The following CAMTA1 variants were observed in gnomAD, a reference collection of about 807,000 sequenced individuals.
CAMTA1 encodes the protein calmodulin binding transcription activator 1.
A neutral mutation model predicts 170.9 loss-of-function variants in CAMTA1; 27 were observed. The observed-to-expected ratio is 0.16, with a 90% CI of 0.12 to 0.22. The LOEUF (loss-of-function observed/expected upper bound fraction) is 0.22, where lower values mean the gene tolerates loss of function less well. Among genes scored for constraint, CAMTA1 ranks in the 10% least tolerant of loss-of-function variants. The pLI is 1.00. For synonymous variants in CAMTA1, 833 were observed against 891.5 expected (o/e 0.93, Z 1.17); for missense variants, 1,619 against 2,217.2 (o/e 0.73, Z 5.42).
intron 5 of CAMTA1, among the ~76,000 whole-genome samples, chr1:7,464,244 G>A (rs553820863): frequency 2.6e-5 from 4 of 151,954 alleles, no homozygotes; most frequent in East Asian, 1.9e-4. Context: ...ACTCCCACAC[G>A]CGTGTGCACC....
At chr1:7,473,217 G>A (rs1469605683) in intron 6 of CAMTA1, among the ~76,000 whole-genome samples, 2 of 152,300 alleles carry the variant, frequency 1.3e-5, no homozygotes, top group Middle Eastern at 6.8e-3. Flanking sequence ...TAGGGGAGAT[G>A]CCCCGGTTCC....
chr1:7,379,413 A>G (rs963586578), intron 5 of CAMTA1, among the ~76,000 whole-genome samples: 2 of 152,188 alleles, frequency 1.3e-5, no homozygotes, highest in African/African-American at 4.8e-5. Context: ...TTTTATTACA[A>G]TTTGAATCCA....
chr1:7,418,831 G>A (rs2091370840), intron 5 of CAMTA1, among the ~76,000 whole-genome samples: 1 of 152,082 alleles, frequency 6.6e-6, no homozygotes, highest in Non-Finnish European at 1.5e-5. Context: ...ACCCCACTCA[G>A]TGCAGCCTGT....
At chr1:7,425,819 T>A (rs2091848596) in intron 5 of CAMTA1, among the ~76,000 whole-genome samples, 1 of 152,140 alleles carries the variant, frequency 6.6e-6, no homozygotes, top group African/African-American at 2.4e-5. Flanking sequence ...CCAGTCTCCC[T>A]TTCACTTTGG....
chr1:7,466,426 G>A (rs1193237), intron 5 of CAMTA1, among the ~76,000 whole-genome samples: 1 of 152,086 alleles, frequency 6.6e-6, no homozygotes, highest in African/African-American at 2.4e-5. Flanking sequence ...AGCCAGAATC[G>A]CATAGTCCAA....
chr1:7,284,723 C>T (rs1309741506), intron 5 of CAMTA1, among the ~76,000 whole-genome samples: 2 of 152,214 alleles, frequency 1.3e-5, no homozygotes, highest in Non-Finnish European at 2.9e-5. Flanking sequence ...CACATGCCCA[C>T]CCACCACAAG....
At chr1:6,996,709 GAAAGA>G (rs1447249188) in intron 3 of CAMTA1, among the ~76,000 whole-genome samples, 4 of 150,132 alleles carry the variant, frequency 2.7e-5, no homozygotes, top group African/African-American at 9.7e-5. Flanking sequence ...AAGAAAGAAA[GAAAGA>G]AAAAAAGTCA....
At position 7,664,069 on chromosome 1, in the gene CAMTA1, G is replaced by T. The variant is rs763188050; in HGVS notation, c.1522G>T (p.Val508Phe). The T allele has an allele frequency of 4.3e-6, 7 of 1,613,710 alleles. No individual in the cohort carries two copies. The East Asian group carries it at 1.1e-4, about 26-fold the overall frequency. ...YGGGGLKAEM[V>F]SSNIRHSPPG... is the part of the protein sequence containing the mutation. ...GGGTGGAGGCCTGAAAGCCGAGATG[G>T]TCAGCTCCAACATCCGGCACTCGCC... is the stretch of plus-strand genomic sequence containing the variant. The change falls in exon 9 of 23, where the codon GTC becomes TTC. Residue 508 changes from valine (V) to phenylalanine (F), a missense_variant. This residue lies in a region of CAMTA1 where 731 missense variants were observed against 907.6 expected (regional missense o/e 0.81). Coordinates refer to ENST00000303635, the MANE Select transcript of CAMTA1 (RefSeq NM_015215.4).
At chr1:7,205,244 C>G (rs887756136) in intron 4 of CAMTA1, among the ~76,000 whole-genome samples, 1 of 152,154 alleles carries the variant, frequency 6.6e-6, no homozygotes, top group African/African-American at 2.4e-5. Context: ...GCTAGGATTA[C>G]AGGCATGCGC....
intron 6 of CAMTA1, among the ~76,000 whole-genome samples, chr1:7,563,930 C>G (rs550811304): frequency 4.6e-4 from 70 of 152,006 alleles, no homozygotes; most frequent in African/African-American, 1.5e-3. Flanking sequence ...TGGGGGTAAG[C>G]GCTGCAGAGG....
intron 5 of CAMTA1, among the ~76,000 whole-genome samples, chr1:7,352,200 G>T (rs954899113): frequency 1.3e-5 from 2 of 148,220 alleles, no homozygotes. Flanking sequence ...AGAAGGAAAA[G>T]TGAGGAGGGG....
chr1:6,903,825 G>A (rs1409579553), intron 3 of CAMTA1, among the ~76,000 whole-genome samples: 2 of 152,228 alleles, frequency 1.3e-5, no homozygotes, highest in Admixed American at 6.5e-5. Context: ...GGGAAGGAAG[G>A]AACGGTGTGG....
intron 11 of CAMTA1, among the ~76,000 whole-genome samples, chr1:7,718,516 A>G (rs2096627743): frequency 1.3e-5 from 2 of 149,874 alleles, no homozygotes; most frequent in African/African-American, 4.9e-5. Flanking sequence ...TGTCCAGGTT[A>G]GATCATTCAT....
chr1:7,240,336 G>T lies in CAMTA1; in HGVS notation c.303-9155G>T, dbSNP rs575909868. 6.6e-5 allele frequency among the ~76,000 whole-genome samples: 10 copies of T among 152,040 alleles called. No homozygotes were observed. In the South Asian group the frequency reaches 1.2e-3, roughly 19 times the overall value. ...CTCCTTTTCTTTTTTTATTTTTTTA[G>T]TTTTCAAAATAATGTATTGGGTCAC... is the stretch of plus-strand genomic sequence containing the variant. On this transcript the variant is annotated intron_variant, in intron 4 of 22. Coordinates refer to ENST00000303635, the MANE Select transcript of CAMTA1 (RefSeq NM_015215.4).
chr1:7,687,970 G>T (rs1345491000), intron 11 of CAMTA1, among the ~76,000 whole-genome samples: 1 of 145,908 alleles, frequency 6.9e-6, no homozygotes, highest in African/African-American at 2.5e-5. Flanking sequence ...AGGCAATTAC[G>T]CCCCAGCTCC....
At chr1:7,586,412 G>A (rs551639105) in intron 6 of CAMTA1, among the ~76,000 whole-genome samples, 2 of 152,252 alleles carry the variant, frequency 1.3e-5, no homozygotes, top group East Asian at 1.9e-4. Context: ...CAAGCCAAGG[G>A]CACTCTTCAG....
chr1:6,884,802 G>A (rs1001955686), intron 3 of CAMTA1, among the ~76,000 whole-genome samples: 1 of 152,216 alleles, frequency 6.6e-6, no homozygotes, highest in African/African-American at 2.4e-5. Flanking sequence ...GCAGTCTAGA[G>A]CATGTCAGTA....
intron 21 of CAMTA1, 94 bp downstream of exon 21, chr1:7,752,627 C>G: frequency 1.1e-6 from 1 of 952,208 alleles, no homozygotes; most frequent in Non-Finnish European, 1.5e-6. Context: ...TAAAGCTAAT[C>G]CCCCTGCAGA....
intron 6 of CAMTA1, among the ~76,000 whole-genome samples, chr1:7,472,554 C>A (rs994368667): frequency 6.6e-6 from 1 of 152,134 alleles, no homozygotes; most frequent in Non-Finnish European, 1.5e-5. Flanking sequence ...CTGGGGGCAC[C>A]ACCATCACCC....
Sources: gnomAD v4.1 joint callset for allele counts (sites outside exome capture counted in the v4.1 genomes callset) on GRCh38, gnomAD v4.1.1 for gene constraint, gnomAD v4.1.1 regional missense constraint, MANE v1.5 for transcripts, NCBI Gene and HGNC (gene_info 2026-07-23, HGNC 2026-07-21) for gene names.